Variants in NTMT1 observed in about 807,000 individuals in gnomAD.
NTMT1 encodes the protein N-terminal RCC1 methyltransferase.
A neutral mutation model predicts 17.5 loss-of-function variants in NTMT1; 8 were observed. The observed-to-expected ratio is 0.46, with a 90% CI of 0.27 to 0.82. The LOEUF (loss-of-function observed/expected upper bound fraction) is 0.82. NTMT1 is among the 40% of genes least tolerant of loss of function. The probability of loss-of-function intolerance (pLI) is 0.15; values close to 1 mark genes in which losing one functional copy is unlikely to be tolerated. For synonymous variants in NTMT1, 128 were observed against 126.8 expected (o/e 1.01, Z -0.06); for missense variants, 221 against 303.5 (o/e 0.73, Z 2.02).
intron 1 of NTMT1, among the ~76,000 whole-genome samples, chr9:129,610,652 GA>G (rs1445766542): frequency 1.3e-5 from 2 of 151,978 alleles, no homozygotes; most frequent in Admixed American, 1.3e-4. Flanking sequence ...ACCCTGGAGC[GA>G]GAGGCTGAGA....
At chr9:129,622,615 A>C (rs1173028340), upstream of NTMT1, among the ~76,000 whole-genome samples, 1 of 152,210 alleles carries the variant, frequency 6.6e-6, no homozygotes, top group African/African-American at 2.4e-5. Context: ...TGAAACACAC[A>C]CATATCTATA....
chr9:129,620,549 C>A lies in NTMT1; in HGVS notation c.-55+11371C>A. On this transcript the variant is annotated intron_variant, in intron 1 of 3. Coordinates refer to the NTMT1 transcript ENST00000372486. This position sits in a 1 kb window ranked among gnomAD's most constrained non-coding sequence, Gnocchi z 5.8. ...CCCCTTGGGCGCCAGGTCCTGGGCC[C>A]CTGGGCGAAGTCGACGCCAGAACAT... 7.1e-7 allele frequency: 1 copy of A among 1,400,400 alleles called. No individual in the cohort carries two copies. The highest frequency in any genetic ancestry group is 1.6e-5 in the South Asian group (1 of 63,932). 86.7% of individuals were successfully genotyped at this position (1,400,400 alleles called of 1,614,324 possible).
chr9:129,621,694 C>T (rs1434841802), upstream of NTMT1, among the ~76,000 whole-genome samples: 1 of 152,178 alleles, frequency 6.6e-6, no homozygotes, highest in African/African-American at 2.4e-5. Flanking sequence ...ACAAACTCCC[C>T]CTTTGGGAGG....
chr9:129,610,672 C>T (rs1270229534), intron 1 of NTMT1, among the ~76,000 whole-genome samples: 1 of 151,952 alleles, frequency 6.6e-6, no homozygotes, highest in Non-Finnish European at 1.5e-5. Flanking sequence ...GAAGTTTCGG[C>T]CGCGCCAGGC....
At position 129,610,181 on chromosome 9, in the gene NTMT1, CA is replaced by C. The variant is rs1487139297; in HGVS notation, c.-55+1004del. On this transcript the variant is annotated intron_variant, in intron 1 of 3. Coordinates refer to the NTMT1 transcript ENST00000372486. ...TCCCGGGGCCTTGCGGGCCGAGCCA[CA>C]GGGGAGGGGGGAGGAGGGGGGGAGG... 7.6e-3 allele frequency among the ~76,000 whole-genome samples: 946 copies of C among 124,630 alleles called. 19 individuals are homozygous for C. The highest frequency in any genetic ancestry group is 0.027 in the African/African-American group (848 of 31,934). 81.8% of individuals were successfully genotyped at this position (124,630 alleles called of 152,430 possible).
At chr9:129,626,896 C>T (rs1191560044) in intron 1 of NTMT1, among the ~76,000 whole-genome samples, 1 of 152,204 alleles carries the variant, frequency 6.6e-6, no homozygotes, top group Non-Finnish European at 1.5e-5. Flanking sequence ...TCCCTCTGGA[C>T]TTTGGTTTCT....
rs887884788 is a variant in NTMT1, at chr9:129,620,158, CA to C, written c.-55+10982del. Reference sequence around the variant, plus strand: ...GGAGGAGCTCTCCTAGGAAGGCGCCCAAGAAGTCGGGGTCCTCCCTGGCCAC... The same window carrying C: ...GGAGGAGCTCTCCTAGGAAGGCGCCCAGAAGTCGGGGTCCTCCCTGGCCAC... On this transcript the variant is annotated intron_variant, in intron 1 of 3. Transcript: ENST00000372486. The surrounding 1 kb of genome is among the most constrained non-coding windows in gnomAD (Gnocchi z 5.8). 1.4e-6 allele frequency: 2 copies of C among 1,462,544 alleles called. No individual in the cohort carries two copies. Among genetic ancestry groups the C allele is most frequent in the African/African-American group, 2.9e-5 (2 of 70,000 alleles). 90.6% of individuals were successfully genotyped at this position (1,462,544 alleles called of 1,614,324 possible).
chr9:129,635,700 T>C lies in NTMT1; in HGVS notation c.*236T>C, dbSNP rs1831512940. ...GCCCAGACCCTGCTCTCCTGCGAGATGGGATTGGGTGGAAGGGGCTCCAGG... is the reference window on the plus strand; with the variant it reads ...GCCCAGACCCTGCTCTCCTGCGAGACGGGATTGGGTGGAAGGGGCTCCAGG... On this transcript the variant is annotated 3_prime_UTR_variant, in exon 4 of 4. Coordinates refer to ENST00000372483, the MANE Select transcript of NTMT1 (RefSeq NM_014064.4). 2 of 510,486 alleles carry C rather than the reference T, an allele frequency of 3.9e-6. No homozygotes were observed. The allele number at this position is 510,486 out of a possible 1,614,324, so 31.6% of individuals were successfully genotyped here. A position where few individuals can be genotyped will look rare whatever the true frequency, so the allele number is the denominator to read the frequency against.
At position 129,615,993 on chromosome 9, in the gene NTMT1, C is replaced by T. The variant is rs189774985; in HGVS notation, c.-55+6815C>T. On this transcript the variant is annotated intron_variant, in intron 1 of 3. Transcript: ENST00000372486. ...ATCCTGGTTCCAGAGCTGGCGCCCT[C>T]GCACGTAAAGCAATTTAGCAGAGAG... 2.3e-3 allele frequency among the ~76,000 whole-genome samples: 349 copies of T among 152,312 alleles called. 2 individuals are homozygous for T. Among genetic ancestry groups the T allele is most frequent in the African/African-American group, 7.8e-3 (325 of 41,576 alleles).
rs780122018 is a variant in NTMT1 at position 129,620,502 on chromosome 9, G to T, written c.-55+11324G>T. On this transcript the variant is annotated intron_variant, in intron 1 of 3. Coordinates refer to the NTMT1 transcript ENST00000372486. This position sits in a 1 kb window ranked among gnomAD's most constrained non-coding sequence, Gnocchi z 5.8. ...GGCAGCCGCGGGTCGCTGCTGCGTCGGAAGTCTCCGTCGCCAGGGAGCCCC... is the reference window on the plus strand; with the variant it reads ...GGCAGCCGCGGGTCGCTGCTGCGTCTGAAGTCTCCGTCGCCAGGGAGCCCC... 20 of 1,426,574 alleles carry T rather than the reference G, an allele frequency of 1.4e-5. No homozygotes were observed. Among genetic ancestry groups the T allele is most frequent in the Non-Finnish European group, 1.7e-5 (19 of 1,087,610 alleles). 88.4% of individuals were successfully genotyped at this position (1,426,574 alleles called of 1,614,324 possible). A position where few individuals can be genotyped will look rare whatever the true frequency, so the allele number is the denominator to read the frequency against.
At chr9:129,631,195 A>G (rs1427217142) in intron 1 of NTMT1, among the ~76,000 whole-genome samples, 1 of 152,148 alleles carries the variant, frequency 6.6e-6, no homozygotes, top group Non-Finnish European at 1.5e-5. Context: ...TTGGGAGGAG[A>G]TTCCTCTGCC....
intron 1 of NTMT1, among the ~76,000 whole-genome samples, chr9:129,629,502 C>A (rs1474657033): frequency 6.6e-6 from 1 of 152,148 alleles, no homozygotes; most frequent in Non-Finnish European, 1.5e-5. Context: ...GTGATCCTCC[C>A]ACCTCAGTCT....
intron 1 of NTMT1, among the ~76,000 whole-genome samples, chr9:129,610,770 G>C (rs976859470): frequency 2.0e-5 from 3 of 152,182 alleles, no homozygotes; most frequent in Non-Finnish European, 4.4e-5. Flanking sequence ...CGCGACCCTT[G>C]GGGTAAACTG....
At position 129,613,081 on chromosome 9, in the gene NTMT1, G is replaced by A; in HGVS notation, c.-55+3903G>A. 1 of 1,613,138 alleles carries A rather than the reference G, an allele frequency of 6.2e-7. No individual in the cohort carries two copies. The highest frequency in any genetic ancestry group is 1.3e-5 in the African/African-American group (1 of 75,050). The stretch of plus-strand genomic sequence containing the variant: ...CCAGCAGGGGCTCACCAGCTTCTAG[G>A]TCCAGGAGCAAGACCATTTGCCCAC... On this transcript the variant is annotated intron_variant, in intron 1 of 3. Transcript: ENST00000372486. The surrounding 1 kb of genome is among the most constrained non-coding windows in gnomAD (Gnocchi z 6.2).
upstream of NTMT1, among the ~76,000 whole-genome samples, chr9:129,621,790 G>C (rs554040847): frequency 2.6e-5 from 4 of 152,194 alleles, no homozygotes; most frequent in South Asian, 8.3e-4. Context: ...CCAGATTGTT[G>C]TCAGCTCTGA....
chr9:129,614,903 GA>G lies in NTMT1; in HGVS notation c.-55+5736del, dbSNP rs3054726. ...GGCGACAGAGTGAGACTCCGTATCAGAAAAAAAAAAAGAAAAAGAAAACTCA... is the reference window on the plus strand; with the variant it reads ...GGCGACAGAGTGAGACTCCGTATCAGAAAAAAAAAAGAAAAAGAAAACTCA... On this transcript the variant is annotated intron_variant, in intron 1 of 3. Transcript: ENST00000372486. The surrounding 1 kb of genome is among the most constrained non-coding windows in gnomAD (Gnocchi z 4.4). Among the ~76,000 whole-genome samples, 13 of 144,294 alleles carry G rather than the reference GA, an allele frequency of 9.0e-5. No homozygotes were observed. The highest frequency in any genetic ancestry group is 1.3e-4 in the African/African-American group (5 of 39,536). 94.7% of individuals were successfully genotyped at this position (144,294 alleles called of 152,430 possible).
intron 2 of NTMT1, 70 bp downstream of exon 2, chr9:129,632,935 G>A (rs766192665): frequency 1.3e-6 from 2 of 1,538,376 alleles, no homozygotes; most frequent in East Asian, 4.5e-5. Flanking sequence ...CATGTGGGGT[G>A]CCACCTTTTA....
At chr9:129,612,577 G>C in intron 1 of NTMT1, 2 of 736,482 alleles carry the variant, frequency 2.7e-6, no homozygotes, top group Non-Finnish European at 4.6e-6. Flanking sequence ...CATTTTAAAA[G>C]ATGAGGAAAC....
Position 129,635,750 on chromosome 9 carries a change from A to G in NTMT1, c.*286A>G. ...GGCTCCTGGTGCTCCCCATGTGGGAATAGGGTGGCCACATCAGTAACCGAT... is the reference window on the plus strand; with the variant it reads ...GGCTCCTGGTGCTCCCCATGTGGGAGTAGGGTGGCCACATCAGTAACCGAT... On this transcript the variant is annotated 3_prime_UTR_variant, in exon 4 of 4. Coordinates refer to ENST00000372483, the MANE Select transcript of NTMT1 (RefSeq NM_014064.4). 3 of 377,106 alleles carry G rather than the reference A, an allele frequency of 8.0e-6. No homozygotes were observed. The South Asian group carries it at 1.1e-4, about 14-fold the overall frequency. The allele number at this position is 377,106 out of a possible 1,614,324, so 23.4% of individuals were successfully genotyped here. A position where few individuals can be genotyped will look rare whatever the true frequency, so the allele number is the denominator to read the frequency against.
Sources: allele counts gnomAD v4.1 joint callset (sites outside exome capture counted in the v4.1 genomes callset), GRCh38; gene constraint gnomAD v4.1.1; non-coding constraint Gnocchi (gnomAD v3.1); transcripts MANE v1.5; gene names NCBI Gene and HGNC (gene_info 2026-07-23, HGNC 2026-07-21).